Variants in EHBP1 observed in about 807,000 individuals in gnomAD.
The protein encoded by EHBP1 is EH domain-binding protein 1.
In EHBP1, 55 loss-of-function variants were observed where a neutral mutation model predicts 144.0. The observed-to-expected ratio is 0.38, with a 90% CI of 0.31 to 0.48. The LOEUF (loss-of-function observed/expected upper bound fraction) is 0.48. Among genes scored for constraint, EHBP1 ranks in the 20% least tolerant of loss-of-function variants. The probability of loss-of-function intolerance (pLI) is 0.98; values close to 1 mark genes in which losing one functional copy is unlikely to be tolerated. For missense variants in EHBP1, 1,200 were observed against 1,364.2 expected (o/e 0.88, Z 1.90); for synonymous variants, 469 against 472.7 (o/e 0.99, Z 0.10).
chr2:62,950,539 AT>A (rs1026701976), intron 13 of EHBP1, among the ~76,000 whole-genome samples: 1 of 152,230 alleles, frequency 6.6e-6, no homozygotes, highest in Non-Finnish European at 1.5e-5. Flanking sequence ...AATGAAAAAA[AT>A]ATTTTAAAAA....
At chr2:62,741,603 T>A (rs911101549) in intron 2 of EHBP1, among the ~76,000 whole-genome samples, 7 of 152,142 alleles carry the variant, frequency 4.6e-5, no homozygotes, top group African/African-American at 1.2e-4. Flanking sequence ...TTTAGTGCAG[T>A]CCCTTCATTT....
At chr2:62,731,167 A>G (rs916967805) in intron 2 of EHBP1, among the ~76,000 whole-genome samples, 2 of 152,030 alleles carry the variant, frequency 1.3e-5, no homozygotes, top group African/African-American at 2.4e-5. Context: ...GTGCTAATAT[A>G]AATGGTATTC....
At chr2:62,711,829 A>T (rs908635333) in intron 2 of EHBP1, among the ~76,000 whole-genome samples, 1 of 152,158 alleles carries the variant, frequency 6.6e-6, no homozygotes, top group Non-Finnish European at 1.5e-5. Flanking sequence ...GAGCAAGGTG[A>T]CCGTTGGATT....
rs539403219 is a variant in EHBP1, at chr2:62,971,734, CAT to C, written c.2461-7453_2461-7452del. 1.5e-4 allele frequency among the ~76,000 whole-genome samples: 23 copies of C among 152,284 alleles called. No individual in the cohort carries two copies. In the South Asian group the frequency reaches 4.6e-3, roughly 30 times the overall value. On this transcript the variant is annotated intron_variant, in intron 14 of 22. Coordinates refer to ENST00000431489, the MANE Select transcript of EHBP1 (RefSeq NM_001142616.3). ...AGGAGTAAATGAGACAACACATATA[CAT>C]GTGTGAGCACACAGGGCACAGAACT...
intron 10 of EHBP1, among the ~76,000 whole-genome samples, chr2:62,886,926 A>G (rs1296329606): frequency 6.6e-6 from 1 of 152,170 alleles, no homozygotes; most frequent in Non-Finnish European, 1.5e-5. Context: ...TCTCTGTTTA[A>G]TGGAATTTTA....
chr2:62,807,938 G>A (rs185291198), intron 5 of EHBP1, among the ~76,000 whole-genome samples: 9 of 151,736 alleles, frequency 5.9e-5, no homozygotes, highest in Admixed American at 1.3e-4. Flanking sequence ...TAGATATGCC[G>A]AACTGGACAA....
chr2:62,861,038 G>A (rs1172152448), intron 8 of EHBP1, among the ~76,000 whole-genome samples: 1 of 148,986 alleles, frequency 6.7e-6, no homozygotes, highest in Non-Finnish European at 1.5e-5. Context: ...ATTTGGGGAA[G>A]AAAAAAATGT....
intron 14 of EHBP1, among the ~76,000 whole-genome samples, chr2:62,970,050 G>A (rs1373717820): frequency 6.7e-6 from 1 of 150,188 alleles, no homozygotes; most frequent in Admixed American, 6.6e-5. Context: ...AAGTGAGTGG[G>A]CACACTTTGG....
At chr2:63,038,010 A>G (rs2061514183) in intron 20 of EHBP1, among the ~76,000 whole-genome samples, 1 of 152,156 alleles carries the variant, frequency 6.6e-6, no homozygotes, top group Non-Finnish European at 1.5e-5. Flanking sequence ...TAAGGACAAA[A>G]GTACATTTAT....
At chr2:63,019,864 G>GAAGGAAGGA (rs1272205962) in intron 19 of EHBP1, among the ~76,000 whole-genome samples, 1 of 145,060 alleles carries the variant, frequency 6.9e-6, no homozygotes, top group Non-Finnish European at 1.5e-5. Context: ...AGGAAGGAAG[G>GAAGGAAGGA]AAGGAAGGAA....
intron 5 of EHBP1, among the ~76,000 whole-genome samples, chr2:62,804,656 A>G (rs946119414): frequency 2.6e-4 from 39 of 152,180 alleles, no homozygotes; most frequent in African/African-American, 9.2e-4. Flanking sequence ...GGGAGTATAA[A>G]TTGGTATTGT....
intron 2 of EHBP1, among the ~76,000 whole-genome samples, chr2:62,739,461 T>G (rs558105631): frequency 6.6e-6 from 1 of 152,192 alleles, no homozygotes; most frequent in South Asian, 2.1e-4. Flanking sequence ...ATATTTGTTT[T>G]AGTGACATGT....
intron 10 of EHBP1, among the ~76,000 whole-genome samples, chr2:62,876,847 C>G (rs1002261327): frequency 1.3e-5 from 2 of 152,186 alleles, no homozygotes; most frequent in African/African-American, 4.8e-5. Context: ...GGTCCCTCCT[C>G]CAACATTGGG....
chr2:62,719,659 CAT>C (rs1271460542), intron 2 of EHBP1, among the ~76,000 whole-genome samples: 6 of 152,164 alleles, frequency 3.9e-5, no homozygotes, highest in African/African-American at 9.7e-5. Context: ...TTGTATCAAA[CAT>C]GTACAGATTT....
At chr2:62,748,418 C>T (rs1201843767) in intron 3 of EHBP1, among the ~76,000 whole-genome samples, 1 of 152,060 alleles carries the variant, frequency 6.6e-6, no homozygotes, top group African/African-American at 2.4e-5. Context: ...CTTTGGGAGG[C>T]CAAGGCAGGA....
At chr2:62,824,684 T>G (rs1450854823) in intron 5 of EHBP1, among the ~76,000 whole-genome samples, 1 of 152,016 alleles carries the variant, frequency 6.6e-6, no homozygotes, top group Non-Finnish European at 1.5e-5. Context: ...CACTAATAGT[T>G]CTGTATATTA....
chr2:62,836,068 T>A (rs367802101), intron 7 of EHBP1, among the ~76,000 whole-genome samples: 2 of 152,086 alleles, frequency 1.3e-5, no homozygotes, highest in East Asian at 3.9e-4. Context: ...GACAGCAGTA[T>A]CCTCTGCAGA....
intron 14 of EHBP1, among the ~76,000 whole-genome samples, chr2:62,966,825 G>T (rs1442808100): frequency 2.0e-5 from 3 of 152,026 alleles, no homozygotes; most frequent in Non-Finnish European, 4.4e-5. Context: ...CCTAACTTTT[G>T]ACATTTCAAA....
intron 2 of EHBP1, among the ~76,000 whole-genome samples, chr2:62,728,076 A>T (rs1029004089): frequency 1.3e-5 from 2 of 152,240 alleles, no homozygotes; most frequent in African/African-American, 4.8e-5. Context: ...ACACCCTAGT[A>T]GTCTGGCCAG....
Sources: gnomAD v4.1 joint callset for allele counts (sites outside exome capture counted in the v4.1 genomes callset) on GRCh38, gnomAD v4.1.1 for gene constraint, MANE v1.5 for transcripts, NCBI Gene and HGNC (gene_info 2026-07-23, HGNC 2026-07-21) for gene names.